DDX39B: variants seen among roughly 807,000 people sequenced by gnomAD.
The protein encoded by DDX39B is spliceosome RNA helicase DDX39B.
A neutral mutation model predicts 46.4 loss-of-function variants in DDX39B; 6 were observed. The ratio of observed to expected loss-of-function variants is 0.13; its 90% confidence interval spans 0.07 to 0.26. The LOEUF (loss-of-function observed/expected upper bound fraction) is 0.26. Among genes scored for constraint, DDX39B ranks in the 10% least tolerant of loss-of-function variants. DDX39B has a pLI of 1.00. For missense variants in DDX39B, 185 were observed against 553.4 expected (o/e 0.33, Z 6.68); for synonymous variants, 174 against 199.4 (o/e 0.87, Z 1.07).
chr6:31,533,043 AC>A, intron 6 of DDX39B, 132 bp from the exon 7 acceptor site: 2 of 614,534 alleles, frequency 3.3e-6, no homozygotes, highest in Non-Finnish European at 3.0e-6. Context: ...TGAAAACCCC[AC>A]CCCACTCCCA....
Position 31,541,937 on chromosome 6 carries a change from G to C in DDX39B, c.-133+13C>G. Reference sequence around the variant, plus strand: ...GCAGATGGAAACGGATTGTAGCGAAGGCCAAAGCTTACCTAAACAGGGAGA... The same window carrying C: ...GCAGATGGAAACGGATTGTAGCGAACGCCAAAGCTTACCTAAACAGGGAGA... On this transcript the variant is annotated intron_variant, in intron 1 of 10. Coordinates refer to ENST00000396172, the MANE Select transcript of DDX39B (RefSeq NM_004640.7). 4.6e-6 allele frequency: 3 copies of C among 653,788 alleles called. No homozygotes were observed. The Admixed American group carries it at 6.6e-5, about 14-fold the overall frequency. The allele number at this position is 653,788 out of a possible 1,614,324, so 40.5% of individuals were successfully genotyped here.
chr6:31,536,230 A>C (rs1357662823), intron 5 of DDX39B: 6 of 549,620 alleles, frequency 1.1e-5, no homozygotes, highest in Non-Finnish European at 2.0e-5. Context: ...TCTATAATGA[A>C]AACGGTGGTG....
chr6:31,541,733 C>T, intron 1 of DDX39B: 1 of 607,890 alleles, frequency 1.6e-6, no homozygotes, highest in South Asian at 1.5e-5. Flanking sequence ...CACAATGGCG[C>T]CGAGGACACC....
At chr6:31,541,195 T>G (rs545685811) in intron 1 of DDX39B, 10 of 533,496 alleles carry the variant, frequency 1.9e-5, no homozygotes, top group Non-Finnish European at 3.1e-5. Context: ...CCACCTCCCA[T>G]AGCTCTCAGC....
At position 31,540,629 on chromosome 6, in the gene DDX39B, C is replaced by A; in HGVS notation, c.-97G>T. ...TGAAGAGTAGGGGATTGAGGAACAG[C>A]AAAGGAAAACAAAGATACTATTTCT... On this transcript the variant is annotated 5_prime_UTR_variant, in exon 2 of 11. Transcript: ENST00000396172. The A allele has an allele frequency of 9.3e-7, 1 of 1,074,652 alleles. No homozygotes were observed. Among genetic ancestry groups the A allele is most frequent in the Non-Finnish European group, 1.4e-6 (1 of 732,588 alleles). The allele number at this position is 1,074,652 out of a possible 1,614,324, so 66.6% of individuals were successfully genotyped here.
chr6:31,530,261 T>C lies in DDX39B; in HGVS notation c.*173A>G. The C allele has an allele frequency of 1.1e-6, 1 of 883,628 alleles. No homozygotes were observed. The highest frequency in any genetic ancestry group is 1.8e-5 in the African/African-American group (1 of 56,746). The allele number at this position is 883,628 out of a possible 1,614,324, so 54.7% of individuals were successfully genotyped here. On this transcript the variant is annotated 3_prime_UTR_variant, in exon 11 of 11. Coordinates refer to ENST00000396172, the MANE Select transcript of DDX39B (RefSeq NM_004640.7). The surrounding 1 kb of genome is among the most constrained non-coding windows in gnomAD (Gnocchi z 4.5). The stretch of plus-strand genomic sequence containing the variant: ...ACATGTGTTTCATTTTTAGTTTTGT[T>C]AAAAAAAAATTCTGACAAATCAGAA...
At chr6:31,532,972 G>C (rs745960363) in intron 6 of DDX39B, 61 bp from the exon 7 acceptor site, 1 of 298,422 alleles carries the variant, frequency 3.4e-6, no homozygotes, top group South Asian at 2.3e-5. Flanking sequence ...TTAAACCTGG[G>C]GGGGTGGAGG....
Position 31,534,372 on chromosome 6 carries a change from G to C in DDX39B, c.735+995C>G. The C allele has an allele frequency of 2.4e-6, 1 of 420,152 alleles. No homozygotes were observed. The highest frequency in any genetic ancestry group is 4.9e-6 in the Non-Finnish European group (1 of 205,550). 26.0% of individuals were successfully genotyped at this position (420,152 alleles called of 1,614,324 possible). A position where few individuals can be genotyped will look rare whatever the true frequency, so the allele number is the denominator to read the frequency against. On this transcript the variant is annotated intron_variant, in intron 6 of 10. Coordinates refer to ENST00000396172, the MANE Select transcript of DDX39B (RefSeq NM_004640.7). The surrounding 1 kb of genome is among the most constrained non-coding windows in gnomAD (Gnocchi z 5.1). ...CTAGCCCCAAATACAGCTAAAGAGT[G>C]ATCATCCCACGGGAAGGAACACTGC...
At position 31,534,140 on chromosome 6, in the gene DDX39B, G is replaced by A. The variant is rs1582941570; in HGVS notation, c.735+1227C>T. The A allele has an allele frequency of 5.9e-6, 1 of 170,758 alleles. No individual in the cohort carries two copies. The highest frequency in any genetic ancestry group is 1.3e-4 in the South Asian group (1 of 7,742). The allele number at this position is 170,758 out of a possible 1,614,324, so 10.6% of individuals were successfully genotyped here. A position where few individuals can be genotyped will look rare whatever the true frequency, so the allele number is the denominator to read the frequency against. On this transcript the variant is annotated intron_variant, in intron 6 of 10. Coordinates refer to ENST00000396172, the MANE Select transcript of DDX39B (RefSeq NM_004640.7). This position sits in a 1 kb window ranked among gnomAD's most constrained non-coding sequence, Gnocchi z 5.1. The stretch of plus-strand genomic sequence containing the variant: ...CCCTCCTGCCTCAGCTTCCCAAGTA[G>A]CTGGGACTACAGGCATGCGCCACCA...
At chr6:31,538,946 C>T (rs774148327) in intron 3 of DDX39B, 91 bp from the exon 4 acceptor site, 402 of 1,489,528 alleles carry the variant, frequency 2.7e-4, no homozygotes, top group Non-Finnish European at 3.5e-4. Context: ...ACACCTGGGC[C>T]GATAATAAAT....
At chr6:31,540,842 A>G (rs1235554220) in intron 1 of DDX39B, 178 bp from the exon 2 acceptor site, 5 of 474,316 alleles carry the variant, frequency 1.1e-5, no homozygotes, top group African/African-American at 9.7e-5. Context: ...GTACCAGGGA[A>G]AGTGGTTAGG....
rs374819986 is a variant in DDX39B, at chr6:31,535,336, G to C, written c.735+31C>G. ...AAGGGGAGGAGGCAGCGGGCGGGGA[G>C]TGGAGGGAGAGAAGGTAGAAGGGTA... On this transcript the variant is annotated intron_variant, in intron 6 of 10. Transcript: ENST00000396172. The surrounding 1 kb of genome is among the most constrained non-coding windows in gnomAD (Gnocchi z 4.6). 2.2e-5 allele frequency: 35 copies of C among 1,599,042 alleles called. No individual in the cohort carries two copies. The African/African-American group carries it at 4.6e-4, about 21-fold the overall frequency.
At chr6:31,539,029 C>T in intron 3 of DDX39B, 118 bp downstream of exon 3, 3 of 1,576,926 alleles carry the variant, frequency 1.9e-6, no homozygotes, top group Non-Finnish European at 2.6e-6. Flanking sequence ...GTCAGGTTGT[C>T]AAGGGTAACA....
rs542388177 is a variant in DDX39B at position 31,530,944 on chromosome 6, G to A, written c.1123-18C>T. 29 of 1,614,102 alleles carry A rather than the reference G, an allele frequency of 1.8e-5. No homozygotes were observed. Among genetic ancestry groups the A allele is most frequent in the Non-Finnish European group, 1.9e-5 (22 of 1,179,982 alleles). On this transcript the variant is annotated intron_variant, in intron 9 of 10. Coordinates refer to ENST00000396172, the MANE Select transcript of DDX39B (RefSeq NM_004640.7). This position sits in a 1 kb window ranked among gnomAD's most constrained non-coding sequence, Gnocchi z 4.5. ...CTGGCCACCTGGAGGGAGACAGAGG[G>A]TAGCACTGGAAGACCGAAGAGGAAA... is the stretch of plus-strand genomic sequence containing the variant.
rs377073313 is a variant in DDX39B, at chr6:31,530,491, A to C, written c.1271-41T>G. ...AGCATGGTCAGAATAAGGCATGAAA[A>C]GGGGAAAGTGAGGCAGGAACACACG... On this transcript the variant is annotated intron_variant, in intron 10 of 10. Coordinates refer to ENST00000396172, the MANE Select transcript of DDX39B (RefSeq NM_004640.7). The surrounding 1 kb of genome is among the most constrained non-coding windows in gnomAD (Gnocchi z 4.5). 22 of 1,612,522 alleles carry C rather than the reference A, an allele frequency of 1.4e-5. No homozygotes were observed. In the African/African-American group the frequency reaches 2.9e-4, roughly 21 times the overall value.
intron 2 of DDX39B, 119 bp downstream of exon 2, chr6:31,540,203 C>G: frequency 8.8e-7 from 1 of 1,142,538 alleles, no homozygotes; most frequent in Non-Finnish European, 1.3e-6. Flanking sequence ...GCCACTGCAC[C>G]TGGCCCTGAT....
rs753621046 is a variant in DDX39B at position 31,530,980 on chromosome 6, G to A, written c.1123-54C>T. 3 of 1,613,582 alleles carry A rather than the reference G, an allele frequency of 1.9e-6. No individual in the cohort carries two copies. Among genetic ancestry groups the A allele is most frequent in the East Asian group, 2.2e-5 (1 of 44,874 alleles). ...AGACCGAAGAGGAAAGAGACCCAGAGGCAGGAATGAAGATGTACAAACAGA... is the reference window on the plus strand; with the variant it reads ...AGACCGAAGAGGAAAGAGACCCAGAAGCAGGAATGAAGATGTACAAACAGA... On this transcript the variant is annotated intron_variant, in intron 9 of 10. Coordinates refer to ENST00000396172, the MANE Select transcript of DDX39B (RefSeq NM_004640.7). The surrounding 1 kb of genome is among the most constrained non-coding windows in gnomAD (Gnocchi z 4.5).
Position 31,530,960 on chromosome 6 carries a change from G to A in DDX39B, c.1123-34C>T, listed in dbSNP as rs2516478. 272,022 of 1,613,492 alleles carry A rather than the reference G, an allele frequency of 0.17. 23,752 individuals carry two copies. The highest frequency in any genetic ancestry group is 0.26 in the South Asian group (23,643 of 91,064). ...AGACAGAGGGTAGCACTGGAAGACC[G>A]AAGAGGAAAGAGACCCAGAGGCAGG... On this transcript the variant is annotated intron_variant, in intron 9 of 10. Transcript: ENST00000396172. This position sits in a 1 kb window ranked among gnomAD's most constrained non-coding sequence, Gnocchi z 4.5.
Position 31,535,275 on chromosome 6 carries a change from C to T in DDX39B, c.735+92G>A. 1 of 1,289,690 alleles carries T rather than the reference C, an allele frequency of 7.8e-7. No individual in the cohort carries two copies. Among genetic ancestry groups the T allele is most frequent in the Non-Finnish European group, 1.1e-6 (1 of 887,078 alleles). The allele number at this position is 1,289,690 out of a possible 1,614,324, so 79.9% of individuals were successfully genotyped here. On this transcript the variant is annotated intron_variant, in intron 6 of 10. Transcript: ENST00000396172. The surrounding 1 kb of genome is among the most constrained non-coding windows in gnomAD (Gnocchi z 4.6). ...TTGGGCACAAGCCGCCTTCTTGGCA[C>T]TTGAATGACAAGGGAGTCTGAGGAA...
Sources: gnomAD v4.1 joint callset for allele counts on GRCh38, gnomAD v4.1.1 for gene constraint, Gnocchi (gnomAD v3.1) non-coding constraint, MANE v1.5 for transcripts, NCBI Gene and HGNC (gene_info 2026-07-23, HGNC 2026-07-21) for gene names.